The following VPS13D variants were observed in gnomAD, a reference collection of about 807,000 sequenced individuals.
The protein encoded by VPS13D is intermembrane lipid transfer protein VPS13D.
In VPS13D, 187 loss-of-function variants were observed where a neutral mutation model predicts 461.9. The ratio of observed to expected loss-of-function variants is 0.40; its 90% confidence interval spans 0.36 to 0.46. The LOEUF (loss-of-function observed/expected upper bound fraction) is 0.46, where lower values mean the gene tolerates loss of function less well. VPS13D is among the 20% of genes least tolerant of loss of function. The pLI is 0.60. For missense variants in VPS13D, 4,711 were observed against 5,364.9 expected (o/e 0.88, Z 3.81); for synonymous variants, 1,951 against 1,986.3 (o/e 0.98, Z 0.47).
At position 12,277,516 on chromosome 1, in the gene VPS13D, C is replaced by G. The variant is rs1641650441; in HGVS notation, c.3928C>G (p.Leu1310Val). 6.2e-7 allele frequency: 1 copy of G among 1,613,946 alleles called. No homozygotes were observed. Among genetic ancestry groups the G allele is most frequent in the African/African-American group, 1.3e-5 (1 of 74,896 alleles). ...GGAGTTGACGTTATCCATGGATGAACTGGAAGAAAATTTTCGAGGTATGCT... is the reference window on the plus strand; with the variant it reads ...GGAGTTGACGTTATCCATGGATGAAGTGGAAGAAAATTTTCGAGGTATGCT... ...LKELTLSMDE[L>V]EENFRGMLKS... Residue 1310 changes from leucine to valine, a missense_variant, in exon 19 of 70, where the codon CTG (leucine) becomes GTG (valine). Leu to Val is a conservative substitution (Grantham distance 32). Coordinates refer to ENST00000620676, the MANE Select transcript of VPS13D (RefSeq NM_015378.4).
At chr1:12,401,261 G>A (rs1461296102) in intron 61 of VPS13D, among the ~76,000 whole-genome samples, 10 of 152,114 alleles carry the variant, frequency 6.6e-5, no homozygotes, top group African/African-American at 1.4e-4. Context: ...TGTAGCCCTC[G>A]GATCCACAAG....
Position 12,299,188 on chromosome 1 carries a change from C to T in VPS13D, c.6034-14C>T. 1.3e-6 allele frequency: 2 copies of T among 1,550,030 alleles called. No homozygotes were observed. Among genetic ancestry groups the T allele is most frequent in the Non-Finnish European group, 8.7e-7 (1 of 1,152,248 alleles). ...ATTAATTATCCTCTGAGTCAGTTTT[C>T]CTTCCTCTTTCAGGTGAGAGATCAA... On this transcript the variant is annotated splice_polypyrimidine_tract_variant and intron_variant, in intron 24 of 69. Transcript: ENST00000620676. This position sits in a 1 kb window ranked among gnomAD's most constrained non-coding sequence, Gnocchi z 4.2.
At chr1:12,309,967 T>G (rs1642686972) in intron 27 of VPS13D, among the ~76,000 whole-genome samples, 3 of 152,294 alleles carry the variant, frequency 2.0e-5, no homozygotes, top group South Asian at 2.1e-4. Context: ...GTTATTCAAG[T>G]GCTCCCTGGC....
At chr1:12,451,575 C>T (rs1445814075) in intron 65 of VPS13D, among the ~76,000 whole-genome samples, 1 of 152,140 alleles carries the variant, frequency 6.6e-6, no homozygotes, top group Non-Finnish European at 1.5e-5. Context: ...GGTAGGCAGA[C>T]TTAAGTCTCT....
chr1:12,256,217 T>C (rs1048217029), intron 7 of VPS13D, 116 bp from the exon 8 acceptor site: 80 of 1,194,422 alleles, frequency 6.7e-5, no homozygotes, highest in Non-Finnish European at 8.9e-5. Context: ...TATTTGCCGC[T>C]GTGACACAGC....
chr1:12,400,958 GCGCGCACACACACACACA>G (rs1360407886), intron 61 of VPS13D, among the ~76,000 whole-genome samples: 4 of 80,482 alleles, frequency 5.0e-5, no homozygotes, highest in East Asian at 5.8e-4. Flanking sequence ...GCACCTGCGC[GCGCGCACACACACACACA>G]CACACACACA....
At chr1:12,418,305 C>A (rs1208456844) in intron 65 of VPS13D, among the ~76,000 whole-genome samples, 2 of 152,170 alleles carry the variant, frequency 1.3e-5, no homozygotes, top group African/African-American at 2.4e-5. Context: ...TGCCTTGAAT[C>A]CTTTCTCACA....
intron 26 of VPS13D, among the ~76,000 whole-genome samples, chr1:12,306,038 CA>C (rs1394620731): frequency 6.6e-6 from 1 of 151,820 alleles, no homozygotes; most frequent in Non-Finnish European, 1.5e-5. Flanking sequence ...GGCTGGAGTG[CA>C]GTGATGCGAT....
In VPS13D at chr1:12,299,947, G is replaced by C. The variant is rs531621995; in HGVS notation, c.6216+563G>C. Among the ~76,000 whole-genome samples the C allele has an allele frequency of 6.7e-6, 1 of 149,910 alleles. No homozygotes were observed. The highest frequency in any genetic ancestry group is 1.5e-5 in the Non-Finnish European group (1 of 67,704). ...TGTTTTAGATACAGGGGGTACATGT[G>C]CAGGTTTCTTAGATGGGTATATTGC... is the stretch of plus-strand genomic sequence containing the variant. On this transcript the variant is annotated intron_variant, in intron 25 of 69. Transcript: ENST00000620676. This position sits in a 1 kb window ranked among gnomAD's most constrained non-coding sequence, Gnocchi z 4.2.
At chr1:12,270,776 C>T (rs899179425) in intron 16 of VPS13D, among the ~76,000 whole-genome samples, 3 of 152,042 alleles carry the variant, frequency 2.0e-5, no homozygotes, top group African/African-American at 7.2e-5. Context: ...AGTGCAGTGG[C>T]GTGATCACGG....
intron 25 of VPS13D, among the ~76,000 whole-genome samples, chr1:12,300,207 C>CTTT (rs35299447): frequency 2.8e-4 from 34 of 123,300 alleles, no homozygotes; most frequent in East Asian, 6.9e-4. Flanking sequence ...ATTTGCTTTG[C>CTTT]TTTTTTTTTT....
intron 2 of VPS13D, among the ~76,000 whole-genome samples, chr1:12,240,526 C>T (rs892951371): frequency 3.0e-5 from 4 of 131,348 alleles, no homozygotes; most frequent in African/African-American, 1.2e-4. Flanking sequence ...ACCCAGGAGG[C>T]GGAGTTTGCA....
intron 13 of VPS13D, 29 bp downstream of exon 13, chr1:12,262,109 A>G (rs1641127950): frequency 1.3e-6 from 2 of 1,586,190 alleles, no homozygotes; most frequent in Non-Finnish European, 8.6e-7. Flanking sequence ...ACTACCTGCC[A>G]CTGTTGTCTC....
intron 5 of VPS13D, among the ~76,000 whole-genome samples, chr1:12,247,082 C>T (rs1190117056): frequency 1.3e-5 from 2 of 152,126 alleles, no homozygotes; most frequent in South Asian, 2.1e-4. Flanking sequence ...CACTATTTTA[C>T]GATATCACCA....
chr1:12,382,598 C>T (rs543383741), intron 57 of VPS13D, among the ~76,000 whole-genome samples: 7 of 152,186 alleles, frequency 4.6e-5, no homozygotes, highest in African/African-American at 1.7e-4. Context: ...TTTCTATTTT[C>T]AGAATATTTC....
intron 65 of VPS13D, among the ~76,000 whole-genome samples, chr1:12,428,619 G>C (rs550217052): frequency 5.7e-4 from 87 of 152,220 alleles, no homozygotes; most frequent in African/African-American, 1.9e-3. Context: ...CTGGCCAGAG[G>C]CTCCAAGTCT....
At chr1:12,440,111 C>T (rs996999951) in intron 65 of VPS13D, among the ~76,000 whole-genome samples, 9 of 152,206 alleles carry the variant, frequency 5.9e-5, no homozygotes, top group South Asian at 2.1e-4. Context: ...TCTACATTGC[C>T]GCCCAAGAAC....
intron 67 of VPS13D, among the ~76,000 whole-genome samples, chr1:12,482,796 A>ATACATAGTATACATATATG (rs1557467785): frequency 7.9e-5 from 11 of 139,212 alleles, no homozygotes; most frequent in Admixed American, 2.5e-4. Context: ...ATACATATAT[A>ATACATAGTATACATATATG]TATACTAGTA....
chr1:12,335,570 C>A, intron 38 of VPS13D, 135 bp from the exon 39 acceptor site: 1 of 1,151,956 alleles, frequency 8.7e-7, no homozygotes, highest in Non-Finnish European at 1.2e-6. Flanking sequence ...AGGGCATAGA[C>A]TTTCTCGGAA....
Sources: gnomAD v4.1 joint callset for allele counts (sites outside exome capture counted in the v4.1 genomes callset) on GRCh38, gnomAD v4.1.1 for gene constraint, Gnocchi (gnomAD v3.1) non-coding constraint, MANE v1.5 for transcripts, NCBI Gene and HGNC (gene_info 2026-07-23, HGNC 2026-07-21) for gene names.